The following MGAM variants were observed in gnomAD, a reference collection of about 807,000 sequenced individuals.
The protein encoded by MGAM is maltase-glucoamylase.
A neutral mutation model predicts 358.8 loss-of-function variants in MGAM; 253 were observed. The ratio of observed to expected loss-of-function variants is 0.71; its 90% CI spans 0.64 to 0.78. The LOEUF is 0.78. Among genes scored for constraint, MGAM ranks in the 30% least tolerant of loss-of-function variants. The probability of loss-of-function intolerance (pLI) is 0.00; values close to 1 mark genes in which losing one functional copy is unlikely to be tolerated. For missense variants in MGAM, 3,080 were observed against 3,432.6 expected (o/e 0.90, Z 2.57); for synonymous variants, 1,105 against 1,227.1 (o/e 0.90, Z 2.08).
rs1187981781 is a variant in MGAM, at chr7:142,041,961, A to G, written c.2498+1115A>G. ...TATTATATATATACATATATATAAT[A>G]TATATATATTATATATATATAATAT... On this transcript the variant is annotated intron_variant, in intron 21 of 70. Transcript: ENST00000475668. Among the ~76,000 whole-genome samples the G allele has an allele frequency of 2.4e-4, 6 of 24,954 alleles. 1 individual carries two copies. Among genetic ancestry groups the G allele is most frequent in the Admixed American group, 2.0e-3 (2 of 1,012 alleles). The allele number at this position is 24,954 out of a possible 152,430, so 16.4% of individuals were successfully genotyped here.
intron 1 of MGAM, among the ~76,000 whole-genome samples, chr7:141,997,585 G>A (rs1804355426): frequency 6.6e-6 from 1 of 152,168 alleles, no homozygotes; most frequent in Non-Finnish European, 1.5e-5. Flanking sequence ...TGTGGAATGT[G>A]ATGAGAAATA....
Position 142,025,099 on chromosome 7 carries a change from A to G in MGAM, c.932A>G (p.Asp311Gly). The change falls in exon 8 of 71, where the codon GAT (aspartate) becomes GGT (glycine). Residue 311 changes from aspartate (D) to glycine (G), a missense_variant. Asp to Gly is a moderately conservative substitution (Grantham distance 94). This residue lies in a region of MGAM where 1,816 missense variants were observed against 1,840.5 expected (regional missense o/e 0.99). Coordinates refer to ENST00000475668, the MANE Select transcript of MGAM (RefSeq NM_001365693.1). ...CAGACATTCTTCTTGTGCCTTGAAG[A>G]TGCTAGTGGATTGTCCTTTGGGGTG... ...GAQTFFLCLE[D>G]ASGLSFGVFL... The G allele has an allele frequency of 6.2e-7, 1 of 1,613,656 alleles. No individual in the cohort carries two copies. Among genetic ancestry groups the G allele is most frequent in the Non-Finnish European group, 8.5e-7 (1 of 1,179,610 alleles).
At position 142,085,923 on chromosome 7, in the gene MGAM, C is replaced by T. The variant is rs759828753; in HGVS notation, c.6598C>T (p.Arg2200Cys). 7.0e-6 allele frequency: 11 copies of T among 1,566,032 alleles called. 1 individual carries two copies. Among genetic ancestry groups the T allele is most frequent in the Middle Eastern group, 1.7e-4 (1 of 5,994 alleles). ...KFAGFPALIN[R>C]MKADGMRVIL... ...TGCCGGGTTTCCAGCTCTGATCAAT[C>T]GCATGAAGGCTGATGGGATGCGGGT... Residue 2200 changes from arginine (R) to cysteine (C), a missense_variant, in exon 55 of 71, where the codon CGC becomes TGC. By Grantham distance (180) the Arg-to-Cys change is radical. Transcript: ENST00000475668.
chr7:142,047,484 C>G (rs772979630), intron 21 of MGAM, among the ~76,000 whole-genome samples: 13 of 152,116 alleles, frequency 8.5e-5, no homozygotes, highest in Non-Finnish European at 1.8e-4. Flanking sequence ...TTCTCATACT[C>G]TGTATTCTAA....
chr7:142,064,235 G>C lies in MGAM; in HGVS notation c.4346-149G>C, dbSNP rs376296646. On this transcript the variant is annotated intron_variant, in intron 36 of 70. Transcript: ENST00000475668. ...AGGCGCCAATGCAGCTCAGAGCTGG[G>C]GGCGCTGTGCTCATGTCTCTGGGGA... is the stretch of plus-strand genomic sequence containing the variant. 1.8e-5 allele frequency: 21 copies of C among 1,174,670 alleles called. No individual in the cohort carries two copies. In the African/African-American group the frequency reaches 1.8e-4, roughly 10 times the overall value. 72.8% of individuals were successfully genotyped at this position (1,174,670 alleles called of 1,614,324 possible).
chr7:142,036,791 A>G, intron 17 of MGAM, 32 bp from the exon 18 acceptor site: 1 of 1,606,142 alleles, frequency 6.2e-7, no homozygotes, highest in Non-Finnish European at 8.5e-7. Flanking sequence ...CCTGCAGCCA[A>G]ACCACAACTG....
intron 2 of MGAM, 54 bp from the exon 3 acceptor site, chr7:142,008,452 T>C: frequency 1.3e-6 from 2 of 1,529,042 alleles, no homozygotes; most frequent in Non-Finnish European, 1.8e-6. Flanking sequence ...AACTATTGAA[T>C]GTCTGTGAAA....
In MGAM at chr7:142,094,518, G is replaced by A; in HGVS notation, c.7306+21G>A. ...CATTGGTGCGTGGGTCCTTCCCAGG[G>A]CCTGTGCCGGTAGGGCAGGGAGTTG... On this transcript the variant is annotated intron_variant, in intron 61 of 70. Coordinates refer to ENST00000475668, the MANE Select transcript of MGAM (RefSeq NM_001365693.1). 9.0e-6 allele frequency: 14 copies of A among 1,552,924 alleles called. 4 individuals carry two copies. Among genetic ancestry groups the A allele is most frequent in the East Asian group, 2.3e-5 (1 of 43,796 alleles).
At chr7:142,064,248 A>T in intron 36 of MGAM, 136 bp from the exon 37 acceptor site, 2 of 1,323,052 alleles carry the variant, frequency 1.5e-6, no homozygotes, top group Non-Finnish European at 2.1e-6. Flanking sequence ...CGCTGTGCTC[A>T]TGTCTCTGGG....
At chr7:142,045,162 A>G (rs1809927779) in intron 21 of MGAM, among the ~76,000 whole-genome samples, 1 of 71,746 alleles carries the variant, frequency 1.4e-5, no homozygotes, top group African/African-American at 5.3e-5. Flanking sequence ...TGTGATATAT[A>G]ATATATATAT....
rs1280962774 is a variant in MGAM at position 142,052,765 on chromosome 7, C to A, written c.2959-19C>A. On this transcript the variant is annotated intron_variant, in intron 25 of 70. Coordinates refer to ENST00000475668, the MANE Select transcript of MGAM (RefSeq NM_001365693.1). ...GACCACATGCTGTGCTGATCTATGA[C>A]TTTGGCCTTACTTTTCAGGCATCCA... 4.3e-6 allele frequency: 7 copies of A among 1,613,068 alleles called. No homozygotes were observed. Among genetic ancestry groups the A allele is most frequent in the Admixed American group, 1.7e-5 (1 of 59,996 alleles).
chr7:142,058,215 C>A lies in MGAM; in HGVS notation c.3706C>A (p.Pro1236Thr). 1 of 1,613,800 alleles carries A rather than the reference C, an allele frequency of 6.2e-7. No individual in the cohort carries two copies. The highest frequency in any genetic ancestry group is 2.2e-5 in the East Asian group (1 of 44,878). Residue 1236 changes from proline (P) to threonine (T), a missense_variant, in exon 31 of 71, where the codon CCT becomes ACT. Coordinates refer to ENST00000475668, the MANE Select transcript of MGAM (RefSeq NM_001365693.1). ...GTCTATTTTCTAGTTGATTGGCCGG[C>A]CTGTGATGGTACCTTACTGGTCTTT... The part of the protein sequence containing the change: ...TQQYTELIGR[P>T]VMVPYWSLGF...
intron 24 of MGAM, 97 bp downstream of exon 24, chr7:142,050,961 G>T: frequency 6.5e-7 from 1 of 1,540,576 alleles, no homozygotes; most frequent in Non-Finnish European, 8.9e-7. Flanking sequence ...GAAGGACCAG[G>T]GCACCTTTGA....
chr7:142,012,976 C>G (rs532064284), intron 3 of MGAM, among the ~76,000 whole-genome samples: 1 of 152,252 alleles, frequency 6.6e-6, no homozygotes, highest in African/African-American at 2.4e-5. Context: ...ACACCTAAAC[C>G]AGCATAGTAT....
rs914298618 is a variant in MGAM at position 142,099,819 on chromosome 7, ACT to A, written c.7874+86_7874+87del. The A allele has an allele frequency of 1.6e-5, 24 of 1,547,846 alleles. No homozygotes were observed. The African/African-American group carries it at 2.9e-4, about 18-fold the overall frequency. ...TGAAGTCCACCAAAATGTAAGCATC[ACT>A]CTCAAACCCACATGCAATTCTACTC... On this transcript the variant is annotated intron_variant, in intron 67 of 70. Transcript: ENST00000475668.
intron 42 of MGAM, among the ~76,000 whole-genome samples, chr7:142,067,986 A>ATTT (rs71913806): frequency 0.013 from 115 of 8,666 alleles, 7 homozygotes; most frequent in African/African-American, 0.02. Flanking sequence ...ATATATATAT[A>ATTT]TTTTTTTTTT....
intron 63 of MGAM, 148 bp from the exon 64 acceptor site, chr7:142,095,417 T>C: frequency 1.7e-6 from 2 of 1,165,112 alleles, no homozygotes; most frequent in Admixed American, 2.7e-5. Context: ...ACTTTTCCAG[T>C]CTATTAAGAA....
intron 40 of MGAM, 114 bp downstream of exon 40, chr7:142,065,945 T>C: frequency 1.2e-6 from 1 of 828,540 alleles, no homozygotes; most frequent in Middle Eastern, 3.3e-4. Flanking sequence ...AAAAAGGTGT[T>C]TTTTTTTGTT....
chr7:142,094,978 C>G, intron 63 of MGAM, 115 bp downstream of exon 63: 1 of 1,048,278 alleles, frequency 9.5e-7, no homozygotes, highest in Non-Finnish European at 1.3e-6. Flanking sequence ...TTTTTTTTTT[C>G]TTTTGAGACA....
Sources: allele counts gnomAD v4.1 joint callset (sites outside exome capture counted in the v4.1 genomes callset), GRCh38; gene constraint gnomAD v4.1.1; regional missense constraint gnomAD v4.1.1; transcripts MANE v1.5; gene names NCBI Gene and HGNC (gene_info 2026-07-23, HGNC 2026-07-21).